The following XIRP2 variants were observed in gnomAD, a reference collection of about 807,000 sequenced individuals.
The protein encoded by XIRP2 is xin actin-binding repeat-containing protein 2.
A neutral mutation model predicts 277.0 loss-of-function variants in XIRP2; 236 were observed. That is an observed-to-expected ratio of 0.85 (90% CI 0.77 to 0.95). The LOEUF (loss-of-function observed/expected upper bound fraction) is 0.95, where lower values mean the gene tolerates loss of function less well. Among genes scored for constraint, XIRP2 ranks in the 40% least tolerant of loss-of-function variants. XIRP2 has a pLI of 0.00. For synonymous variants in XIRP2, 1,490 were observed against 1,416.5 expected, an observed-to-expected ratio of 1.05 and a Z score of -1.17; for missense variants, 4,640 against 4,157.5, an observed-to-expected ratio of 1.12 and a Z score of -3.19.
chr2:167,234,825 G>A (rs922410845), intron 5 of XIRP2, among the ~76,000 whole-genome samples: 1 of 151,638 alleles, frequency 6.6e-6, no homozygotes, highest in Non-Finnish European at 1.5e-5. Context: ...ATAAATAATT[G>A]TCTTTCAGTG....
At chr2:166,983,950 T>G (rs1188725410) in intron 2 of XIRP2, among the ~76,000 whole-genome samples, 1 of 152,166 alleles carries the variant, frequency 6.6e-6, no homozygotes, top group African/African-American at 2.4e-5. Context: ...TGCTAGTTCC[T>G]TCAACCAGTA....
intron 2 of XIRP2, among the ~76,000 whole-genome samples, chr2:167,013,824 T>G (rs1406851980): frequency 1.3e-5 from 2 of 151,474 alleles, no homozygotes; most frequent in Non-Finnish European, 3.0e-5. Context: ...TGCAATCTTT[T>G]CATGTAGGTC....
intron 2 of XIRP2, among the ~76,000 whole-genome samples, chr2:167,013,275 AAT>A (rs762672751): frequency 6.6e-6 from 1 of 151,446 alleles, no homozygotes; most frequent in African/African-American, 2.4e-5. Context: ...TTTCTTTCTG[AAT>A]ATATTACAAT....
In XIRP2 at chr2:167,007,327, C is replaced by T. The variant is rs184002100; in HGVS notation, c.408+103437C>T. 1.1e-3 allele frequency among the ~76,000 whole-genome samples: 162 copies of T among 151,634 alleles called. 1 individual carries two copies. The highest frequency in any genetic ancestry group is 9.2e-4 in the Non-Finnish European group (62 of 67,682). ...AAATATTTTAAAAGTTAGGGTTCCACAATACATTTTTTAAATCACTAAAAA... is the reference window on the plus strand; with the variant it reads ...AAATATTTTAAAAGTTAGGGTTCCATAATACATTTTTTAAATCACTAAAAA... On this transcript the variant is annotated intron_variant, in intron 2 of 10. Coordinates refer to ENST00000409195, the MANE Select transcript of XIRP2 (RefSeq NM_152381.6).
At chr2:167,129,028 T>A (rs1475541298) in intron 2 of XIRP2, among the ~76,000 whole-genome samples, 1 of 152,132 alleles carries the variant, frequency 6.6e-6, no homozygotes, top group East Asian at 1.9e-4. Flanking sequence ...GAAATATTTT[T>A]AATACATAGT....
At position 167,243,059 on chromosome 2, in the gene XIRP2, A is replaced by T. The variant is rs908391638; in HGVS notation, c.1667A>T (p.Asp556Val). The change falls in exon 9 of 11, where the codon GAT becomes GTT. Residue 556 changes from aspartate to valine, a missense_variant. Coordinates refer to ENST00000409195, the MANE Select transcript of XIRP2 (RefSeq NM_152381.6). Reference protein sequence around the residue: ...FENTNDSSQKDLNSEREYLEW... With the variant: ...FENTNDSSQKVLNSEREYLEW... ...AACACAAATGACAGTTCTCAAAAAG[A>T]TCTGAACTCAGAAAGAGAATACTTG... The T allele has an allele frequency of 1.2e-6, 2 of 1,613,990 alleles. No individual in the cohort carries two copies. The highest frequency in any genetic ancestry group is 2.7e-5 in the African/African-American group (2 of 74,928).
intron 2 of XIRP2, among the ~76,000 whole-genome samples, chr2:167,082,604 C>G (rs1343756295): frequency 6.6e-6 from 1 of 152,130 alleles, no homozygotes; most frequent in Non-Finnish European, 1.5e-5. Flanking sequence ...CTCTCCAGCA[C>G]CTATTGTTTC....
intron 2 of XIRP2, among the ~76,000 whole-genome samples, chr2:166,944,626 T>G (rs534924465): frequency 3.3e-5 from 5 of 152,238 alleles, no homozygotes; most frequent in Non-Finnish European, 7.3e-5. Flanking sequence ...AGAGTTCATG[T>G]GTTCATGTAA....
chr2:166,915,903 C>T (rs1164485595), intron 2 of XIRP2, among the ~76,000 whole-genome samples: 1 of 152,118 alleles, frequency 6.6e-6, no homozygotes, highest in Non-Finnish European at 1.5e-5. Context: ...ATGAGCTGAA[C>T]TGTATCAAAA....
rs1695241738 is a variant in XIRP2 at position 167,245,871 on chromosome 2, T to A, written c.4479T>A (p.Leu1493=). Reference sequence around the variant, plus strand: ...GTGATGTTAAGCAGGCTGTGTGGCTTTTTGAAAATCGAACTTTCGATTCTA... The same window carrying A: ...GTGATGTTAAGCAGGCTGTGTGGCTATTTGAAAATCGAACTTTCGATTCTA... ...QKGDVKQAVW[L]FENRTFDSIM... The change falls in exon 9 of 11, where the codon CTT becomes CTA. Residue 1493 remains leucine (L), a synonymous_variant. Coordinates refer to ENST00000409195, the MANE Select transcript of XIRP2 (RefSeq NM_152381.6). 2 of 1,613,610 alleles carry A rather than the reference T, an allele frequency of 1.2e-6. No individual in the cohort carries two copies. Among genetic ancestry groups the A allele is most frequent in the African/African-American group, 2.7e-5 (2 of 74,884 alleles).
At chr2:167,027,145 C>A (rs532388939) in intron 2 of XIRP2, among the ~76,000 whole-genome samples, 2 of 152,266 alleles carry the variant, frequency 1.3e-5, no homozygotes, top group South Asian at 4.1e-4. Flanking sequence ...GTACACCAAT[C>A]AGACCTAGAT....
At chr2:166,939,693 A>C (rs1252109471) in intron 2 of XIRP2, among the ~76,000 whole-genome samples, 104 of 133,494 alleles carry the variant, frequency 7.8e-4, no homozygotes, top group African/African-American at 2.7e-3. Context: ...AAAAAAAAAA[A>C]AAAAACAAAA....
chr2:166,926,423 A>C (rs1380382545), intron 2 of XIRP2, among the ~76,000 whole-genome samples: 1 of 152,128 alleles, frequency 6.6e-6, no homozygotes, highest in African/African-American at 2.4e-5. Context: ...CCAGCCGCCT[A>C]TCATTTCACT....
intron 2 of XIRP2, among the ~76,000 whole-genome samples, chr2:167,007,566 G>C (rs1277217387): frequency 6.6e-6 from 1 of 151,542 alleles, no homozygotes; most frequent in African/African-American, 2.4e-5. Context: ...GTGGGATATT[G>C]ATAGTTAGGT....
intron 2 of XIRP2, among the ~76,000 whole-genome samples, chr2:166,956,405 A>G (rs1399495805): frequency 6.6e-6 from 1 of 151,794 alleles, no homozygotes; most frequent in African/African-American, 2.4e-5. Flanking sequence ...TGGTAATTAA[A>G]ATCTGTTCAT....
At chr2:167,225,680 A>G (rs1237271545) in intron 5 of XIRP2, among the ~76,000 whole-genome samples, 1 of 152,194 alleles carries the variant, frequency 6.6e-6, no homozygotes, top group Non-Finnish European at 1.5e-5. Flanking sequence ...AAGAAAACAA[A>G]GAACAAAAAC....
chr2:167,208,565 C>T (rs189322142), intron 3 of XIRP2, among the ~76,000 whole-genome samples: 75 of 152,272 alleles, frequency 4.9e-4, no homozygotes, highest in African/African-American at 1.8e-3. Context: ...GTCTCGGCCT[C>T]CCAGAGTGCT....
chr2:167,250,991 C>T lies in XIRP2; in HGVS notation c.9599C>T (p.Pro3200Leu). 6.2e-7 allele frequency: 1 copy of T among 1,613,648 alleles called. No homozygotes were observed. The highest frequency in any genetic ancestry group is 1.1e-5 in the South Asian group (1 of 91,072). ...AKLSKGAIPCPAATPVPIVEK... is the reference protein window; with the variant it reads ...AKLSKGAIPCLAATPVPIVEK... ...TTATCCAAAGGGGCCATCCCATGTC[C>T]AGCAGCAACCCCGGTTCCAATTGTA... Residue 3200 changes from proline to leucine, a missense_variant, in exon 9 of 11, where the codon CCA becomes CTA. Physicochemically the swap from Pro to Leu is moderately conservative, Grantham distance 98. Coordinates refer to ENST00000409195, the MANE Select transcript of XIRP2 (RefSeq NM_152381.6).
intron 3 of XIRP2, among the ~76,000 whole-genome samples, chr2:167,166,196 G>GT (rs1056779014): frequency 6.6e-6 from 1 of 151,348 alleles, no homozygotes; most frequent in South Asian, 2.1e-4. Flanking sequence ...ATATCTTGAG[G>GT]TTTTTTTTCT....
Sources: allele counts gnomAD v4.1 joint callset (sites outside exome capture counted in the v4.1 genomes callset), GRCh38; gene constraint gnomAD v4.1.1; transcripts MANE v1.5; gene names NCBI Gene and HGNC (gene_info 2026-07-23, HGNC 2026-07-21).